Variants in TDRD1 observed in about 807,000 individuals in gnomAD.
The protein encoded by TDRD1 is tudor domain containing 1.
A neutral mutation model predicts 140.6 loss-of-function variants in TDRD1; 37 were observed. That is an observed-to-expected ratio of 0.26 (90% CI 0.20 to 0.35). The LOEUF is 0.35. Among genes scored for constraint, TDRD1 ranks in the 10% least tolerant of loss-of-function variants. TDRD1 has a pLI of 1.00. For synonymous variants in TDRD1, 506 were observed against 475.7 expected (o/e 1.06, Z -0.83); for missense variants, 1,243 against 1,393.0 (o/e 0.89, Z 1.71).
At position 114,199,227 on chromosome 10, in the gene TDRD1, G is replaced by A. The variant is rs376849644; in HGVS notation, c.439G>A (p.Glu147Lys). The change falls in exon 4 of 26, where the codon GAG becomes AAG. Residue 147 changes from glutamate to lysine, a missense_variant. Around this residue, in one of 5 missense-constraint regions of TDRD1, gnomAD observed 237 missense variants for 215.5 expected, o/e 1.10. Transcript: ENST00000251864. ...ATCAAAAAAACTAAACAAGTTGGTC[G>A]AGAATTCCTTGTCCATAAGTAATCC... is the stretch of plus-strand genomic sequence containing the variant. 68 of 1,613,716 alleles carry A rather than the reference G, an allele frequency of 4.2e-5. No homozygotes were observed. Among genetic ancestry groups the A allele is most frequent in the South Asian group, 9.9e-5 (9 of 91,038 alleles).
intron 1 of TDRD1, among the ~76,000 whole-genome samples, chr10:114,186,973 G>A (rs755678904): frequency 2.0e-5 from 3 of 151,832 alleles, no homozygotes; most frequent in Non-Finnish European, 4.4e-5. Context: ...TTTTCCTCCC[G>A]CTCAGCCATT....
downstream of TDRD1, chr10:114,232,411 T>C (rs376153192): frequency 3.3e-5 from 5 of 151,552 alleles, no homozygotes; most frequent in African/African-American, 1.2e-4. Context: ...CTGACTTTCC[T>C]GCCAACCCCA....
At position 114,225,969 on chromosome 10, in the gene TDRD1, A is replaced by G. The variant is rs181268242; in HGVS notation, c.3008-80A>G. 144 of 1,233,758 alleles carry G rather than the reference A, an allele frequency of 1.2e-4. No homozygotes were observed. In the East Asian group the frequency reaches 3.2e-3, roughly 28 times the overall value. 76.4% of individuals were successfully genotyped at this position (1,233,758 alleles called of 1,614,324 possible). On this transcript the variant is annotated intron_variant, in intron 21 of 25. Coordinates refer to ENST00000251864, the Ensembl canonical transcript of TDRD1. The stretch of plus-strand genomic sequence containing the variant: ...TGGCATGGATTTTTAAGTGATGTAA[A>G]TATAACTATGAATAGCCATCTTAAA...
At chr10:114,218,314 T>C (rs2035940070) in intron 17 of TDRD1, 100 bp from the exon 18 acceptor site, 1 of 808,938 alleles carries the variant, frequency 1.2e-6, no homozygotes. Flanking sequence ...AGCAAATTTA[T>C]TACCTACTTT....
intron 3 of TDRD1, among the ~76,000 whole-genome samples, chr10:114,196,891 G>T (rs1269424183): frequency 7.8e-6 from 1 of 127,836 alleles, no homozygotes. Flanking sequence ...TTGACGCCTG[G>T]GCTGGAGTGC....
chr10:114,213,133 G>T (rs1461722015), intron 14 of TDRD1, among the ~76,000 whole-genome samples: 2 of 152,092 alleles, frequency 1.3e-5, no homozygotes, highest in Non-Finnish European at 2.9e-5. Flanking sequence ...TCTCAAATCG[G>T]CCTCGGCCTC....
At position 114,210,934 on chromosome 10, in the gene TDRD1, G is replaced by A. The variant is rs779486637; in HGVS notation, c.1627G>A (p.Ala543Thr). 1.1e-5 allele frequency: 17 copies of A among 1,613,992 alleles called. No homozygotes were observed. The highest frequency in any genetic ancestry group is 2.2e-5 in the East Asian group (1 of 44,884). ...GCCTCCACGCTCTGATTTTTATCCAGCCATTGGTGATATATGTTGTGCTCA... is the reference window on the plus strand; with the variant it reads ...GCCTCCACGCTCTGATTTTTATCCAACCATTGGTGATATATGTTGTGCTCA... Residue 543 changes from alanine to threonine, a missense_variant, in exon 13 of 26, where the codon GCC becomes ACC. This residue lies in a region of TDRD1 where 392 missense variants were observed against 394.1 expected (regional missense o/e 0.99). Coordinates refer to ENST00000251864, the Ensembl canonical transcript of TDRD1.
chr10:114,206,384 C>A, intron 11 of TDRD1, 54 bp downstream of exon 11: 1 of 1,445,448 alleles, frequency 6.9e-7, no homozygotes, highest in Non-Finnish European at 9.7e-7. Flanking sequence ...TGAAGACCAT[C>A]TACCTACTAA....
intron 22 of TDRD1, among the ~76,000 whole-genome samples, chr10:114,226,572 A>C (rs907937547): frequency 2.0e-5 from 3 of 152,170 alleles, no homozygotes; most frequent in Non-Finnish European, 4.4e-5. Context: ...CTGCTTCGTC[A>C]CATCTCTCTT....
intron 11 of TDRD1, among the ~76,000 whole-genome samples, chr10:114,207,715 G>C (rs1222584441): frequency 6.6e-6 from 1 of 151,934 alleles, no homozygotes; most frequent in Non-Finnish European, 1.5e-5. Context: ...TGGGAAAGGT[G>C]GGAACAGAAT....
intron 11 of TDRD1, among the ~76,000 whole-genome samples, chr10:114,207,370 A>C (rs1174744139): frequency 6.6e-6 from 1 of 152,092 alleles, no homozygotes; most frequent in Non-Finnish European, 1.5e-5. Flanking sequence ...CTTCCCAAGT[A>C]TCCCTTGTAT....
intron 1 of TDRD1, among the ~76,000 whole-genome samples, chr10:114,186,557 G>A (rs982038763): frequency 6.6e-6 from 1 of 152,082 alleles, no homozygotes; most frequent in African/African-American, 2.4e-5. Context: ...GAGCCACCGC[G>A]CCCAGCCTTT....
chr10:114,206,169 TTTC>T, intron 10 of TDRD1, 72 bp from the exon 11 acceptor site: 6 of 1,158,252 alleles, frequency 5.2e-6, no homozygotes, highest in Non-Finnish European at 7.6e-6. Context: ...GATTGACTTG[TTTC>T]TTCTTTACGC....
At chr10:114,200,775 G>A (rs1454150689) in intron 4 of TDRD1, among the ~76,000 whole-genome samples, 6 of 150,016 alleles carry the variant, frequency 4.0e-5, no homozygotes, top group Admixed American at 6.7e-5. Context: ...TGATCCACCC[G>A]CCTTGGTCTC....
chr10:114,203,269 A>G, intron 7 of TDRD1, 93 bp downstream of exon 7: 1 of 1,482,336 alleles, frequency 6.7e-7, no homozygotes, highest in Non-Finnish European at 9.2e-7. Context: ...TAGCTACAAA[A>G]CATAAACATT....
intron 1 of TDRD1, 45 bp downstream of exon 1, chr10:114,179,461 AG>A (rs1439332409): frequency 6.6e-6 from 1 of 151,580 alleles, no homozygotes; most frequent in African/African-American, 2.4e-5. Flanking sequence ...GCCTGCATGA[AG>A]GGGAAGGGAG....
At chr10:114,208,333 G>A (rs986805785) in intron 11 of TDRD1, among the ~76,000 whole-genome samples, 5 of 152,186 alleles carry the variant, frequency 3.3e-5, no homozygotes, top group African/African-American at 1.2e-4. Context: ...GGTGGGTATG[G>A]AAGAATCAGA....
At chr10:114,188,532 ATTTAT>A (rs2033715340) in intron 2 of TDRD1, among the ~76,000 whole-genome samples, 1 of 152,186 alleles carries the variant, frequency 6.6e-6, no homozygotes, top group Non-Finnish European at 1.5e-5. Context: ...GTTTCACGTG[ATTTAT>A]TTTATCATTC....
chr10:114,205,896 T>C (rs1348013379), intron 10 of TDRD1, among the ~76,000 whole-genome samples: 2 of 152,224 alleles, frequency 1.3e-5, no homozygotes, highest in East Asian at 3.8e-4. Context: ...AAAGGATGCT[T>C]GAGGGGATGG....
Sources: allele counts gnomAD v4.1 joint callset (sites outside exome capture counted in the v4.1 genomes callset), GRCh38; gene constraint gnomAD v4.1.1; regional missense constraint gnomAD v4.1.1; transcripts MANE v1.5; gene names NCBI Gene and HGNC (gene_info 2026-07-23, HGNC 2026-07-21).